GDF9: variants seen among roughly 807,000 people sequenced by gnomAD.
GDF9 encodes growth differentiation factor 9, also known as growth/differentiation factor 9.
GDF9 carries 30 observed loss-of-function variants against 33.8 expected under a neutral mutation model. The observed-to-expected ratio is 0.89, with a 90% CI of 0.66 to 1.20. The LOEUF is 1.20. Among genes scored for constraint, GDF9 ranks in the 50% most tolerant of loss-of-function variants. The pLI, the probability that GDF9 is intolerant of heterozygous loss-of-function variation, is 0.00. For missense variants in GDF9, 556 were observed against 543.7 expected (o/e 1.02, Z -0.22); for synonymous variants, 205 against 200.7 (o/e 1.02, Z -0.18).
In GDF9 at chr5:132,861,253, G is replaced by A. The variant is rs564694374; in HGVS notation, c.*336C>T. The A allele has an allele frequency of 3.6e-6, 1 of 275,674 alleles. No homozygotes were observed. The highest frequency in any genetic ancestry group is 9.4e-5 in the East Asian group (1 of 10,590). 17.1% of individuals were successfully genotyped at this position (275,674 alleles called of 1,614,324 possible). ...CTGAATTGCCTATTTATAGCTGCAA[G>A]TCCATCCAGGATTGATGCTAATTAA... On this transcript the variant is annotated 3_prime_UTR_variant, in exon 2 of 2. Transcript: ENST00000687138.
At position 132,864,377 on chromosome 5, in the gene GDF9, T is replaced by C. The variant is rs777568639; in HGVS notation, c.157A>G (p.Ile53Val). The part of the protein sequence containing the change: ...GAMPWSLLQH[I>V]DERDRAGLLP... ...AGGCCAGCTCTGTCTCTCTCATCTA[T>C]ATGCTGCAGCAAGGACCAAGGCATA... Residue 53 changes from isoleucine (I) to valine (V), a missense_variant, in exon 1 of 2, where the codon ATA (isoleucine) becomes GTA (valine). Transcript: ENST00000687138. The C allele has an allele frequency of 4.3e-6, 7 of 1,613,996 alleles. No individual in the cohort carries two copies. Among genetic ancestry groups the C allele is most frequent in the South Asian group, 2.2e-5 (2 of 91,084 alleles).
Position 132,861,313 on chromosome 5 carries a change from A to G in GDF9, c.*276T>C. 1 of 408,642 alleles carries G rather than the reference A, an allele frequency of 2.4e-6. No homozygotes were observed. The highest frequency in any genetic ancestry group is 4.5e-6 in the Non-Finnish European group (1 of 224,064). The allele number at this position is 408,642 out of a possible 1,614,324, so 25.3% of individuals were successfully genotyped here. A position where few individuals can be genotyped will look rare whatever the true frequency, so the allele number is the denominator to read the frequency against. ...CCTATCAAGAATAAGACTCCTATGA[A>G]AAGAAAAAAAATCACTCAAGGAAAA... On this transcript the variant is annotated 3_prime_UTR_variant, in exon 2 of 2. Transcript: ENST00000687138.
Position 132,864,443 on chromosome 5 carries a change from C to G in GDF9, c.91G>C (p.Glu31Gln), listed in dbSNP as rs1416359171. The change falls in exon 1 of 2, where the codon GAA (glutamate) becomes CAA (glutamine). Residue 31 changes from glutamate (E) to glutamine (Q), a missense_variant. Glu to Gln is a conservative substitution (Grantham distance 29). Coordinates refer to ENST00000687138, the MANE Select transcript of GDF9 (RefSeq NM_005260.7). ...TCAGCACTAGCAGCAATCTGAGCTT[C>G]TCCCCCAGAAGCCTGAGAACCAAGG... is the stretch of plus-strand genomic sequence containing the variant. ...ISLGSQASGG[E>Q]AQIAASAELE... 1 of 1,613,840 alleles carries G rather than the reference C, an allele frequency of 6.2e-7. No homozygotes were observed. Among genetic ancestry groups the G allele is most frequent in the Admixed American group, 1.7e-5 (1 of 60,012 alleles).
At position 132,861,929 on chromosome 5, in the gene GDF9, T is replaced by A. The variant is rs182590484; in HGVS notation, c.1025A>T (p.Tyr342Phe). The change falls in exon 2 of 2, where the codon TAC becomes TTC. Residue 342 changes from tyrosine to phenylalanine, a missense_variant. Tyr to Phe is a conservative substitution (Grantham distance 22). Coordinates refer to ENST00000687138, the MANE Select transcript of GDF9 (RefSeq NM_005260.7). Reference protein sequence around the residue: ...LGPASFNLSEYFRQFLLPQNE... With the variant: ...LGPASFNLSEFFRQFLLPQNE... ...TTGGGGAAGAAGAAATTGTCTGAAG[T>A]ATTCACTCAGATTGAAGGAAGCTGG... 3.7e-6 allele frequency: 6 copies of A among 1,613,774 alleles called. No individual in the cohort carries two copies. The East Asian group carries it at 1.3e-4, about 36-fold the overall frequency.
chr5:132,862,531 T>G lies in GDF9; in HGVS notation c.423A>C (p.Leu141=). The G allele has an allele frequency of 6.2e-7, 1 of 1,608,850 alleles. No individual in the cohort carries two copies. Among genetic ancestry groups the G allele is most frequent in the South Asian group, 1.1e-5 (1 of 91,038 alleles). ...CGGTAGTAATGCGATCCAGGTTAAA[T>G]AGCAGTTCCACTGATGGAAGGATTC... ...VTGILPSVEL[L]FNLDRITTVE... The change falls in exon 2 of 2, where the codon CTA becomes CTC. Residue 141 remains leucine (L), a synonymous_variant. Coordinates refer to ENST00000687138, the MANE Select transcript of GDF9 (RefSeq NM_005260.7).
In GDF9 at chr5:132,865,895, A is replaced by C. The variant is rs1759572830; in HGVS notation, c.-1362T>G. On this transcript the variant is annotated 5_prime_UTR_variant, in exon 1 of 2. Transcript: ENST00000687138. Reference sequence around the variant, plus strand: ...CTTGCTTCTCACGTGGGGAGAAGAAAGAACTGGGGCATCGTGATTCCCCCC... The same window carrying C: ...CTTGCTTCTCACGTGGGGAGAAGAACGAACTGGGGCATCGTGATTCCCCCC... 2.0e-5 allele frequency among the ~76,000 whole-genome samples: 3 copies of C among 152,186 alleles called. No homozygotes were observed. The highest frequency in any genetic ancestry group is 1.3e-4 in the Admixed American group (2 of 15,288).
At position 132,862,286 on chromosome 5, in the gene GDF9, A is replaced by G; in HGVS notation, c.668T>C (p.Leu223Ser). Residue 223 changes from leucine to serine, a missense_variant, in exon 2 of 2, where the codon TTA (leucine) becomes TCA (serine). By Grantham distance (145) the Leu-to-Ser change is moderately radical (BLOSUM62 -2). Coordinates refer to ENST00000687138, the MANE Select transcript of GDF9 (RefSeq NM_005260.7). ...AATACTTCTCTTGTTGGAGGCCACT[A>G]AAGGTTGAAGGAGGCTGGTCACATC... The part of the protein sequence containing the change: ...QIDVTSLLQP[L>S]VASNKRSIHM... The G allele has an allele frequency of 1.2e-6, 2 of 1,614,082 alleles. No homozygotes were observed. Among genetic ancestry groups the G allele is most frequent in the Non-Finnish European group, 1.7e-6 (2 of 1,179,954 alleles).
At position 132,861,880 on chromosome 5, in the gene GDF9, A is replaced by T; in HGVS notation, c.1074T>A (p.Phe358Leu). Residue 358 changes from phenylalanine (F) to leucine (L), a missense_variant, in exon 2 of 2, where the codon TTT becomes TTA. Transcript: ENST00000687138. ...ACTTCAGCTGACTAAAGCTAAGTCT[A>T]AAGTCATGGAGCTCACACTCATTTT... The part of the protein sequence containing the change: ...LPQNECELHD[F>L]RLSFSQLKWD... The T allele has an allele frequency of 6.2e-7, 1 of 1,613,292 alleles. No homozygotes were observed. The highest frequency in any genetic ancestry group is 8.5e-7 in the Non-Finnish European group (1 of 1,179,174).
chr5:132,864,066 T>C (rs1051575813), intron 1 of GDF9, 71 bp downstream of exon 1: 4 of 1,483,342 alleles, frequency 2.7e-6, no homozygotes, highest in Non-Finnish European at 3.8e-6. Flanking sequence ...GCTCAGCTCC[T>C]TTCTGTAATT....
chr5:132,863,287 T>C (rs1759386830), intron 1 of GDF9, among the ~76,000 whole-genome samples: 2 of 152,220 alleles, frequency 1.3e-5, no homozygotes, highest in South Asian at 2.1e-4. Context: ...AGAAAGTCAA[T>C]TTAAAACAAT....
In GDF9 at chr5:132,865,832, T is replaced by G. The variant is rs775344101; in HGVS notation, c.-1299A>C. On this transcript the variant is annotated 5_prime_UTR_variant, in exon 1 of 2. Transcript: ENST00000687138. ...AACAGCATCGTCAAGCAGAATGCAC[T>G]TCAGGGAAAACATAATAAGGCCTCT... Among the ~76,000 whole-genome samples, 1 of 152,082 alleles carries G rather than the reference T, an allele frequency of 6.6e-6. No individual in the cohort carries two copies. The highest frequency in any genetic ancestry group is 1.5e-5 in the Non-Finnish European group (1 of 68,024).
rs1002188417 is a variant in GDF9 at position 132,861,753 on chromosome 5, T to C, written c.1201A>G (p.Met401Val). ...TTCTCATAGATGATGTTCTGTACCA[T>C]GGTGTGAACTGGAGAGCCATACCGA... ...GHRYGSPVHT[M>V]VQNIIYEKLD... The change falls in exon 2 of 2, where the codon ATG becomes GTG. Residue 401 changes from methionine to valine, a missense_variant. By Grantham distance (21) the Met-to-Val change is conservative. Transcript: ENST00000687138. 6 of 1,611,468 alleles carry C rather than the reference T, an allele frequency of 3.7e-6. No homozygotes were observed. Among genetic ancestry groups the C allele is most frequent in the South Asian group, 1.1e-5 (1 of 91,036 alleles).
At position 132,862,223 on chromosome 5, in the gene GDF9, A is replaced by C; in HGVS notation, c.731T>G (p.Leu244Arg). 1 of 1,613,976 alleles carries C rather than the reference A, an allele frequency of 6.2e-7. No individual in the cohort carries two copies. Among genetic ancestry groups the C allele is most frequent in the Non-Finnish European group, 8.5e-7 (1 of 1,179,788 alleles). ...SINFTCMKDQLEHPSAQNGLF... is the reference protein window; with the variant it reads ...SINFTCMKDQREHPSAQNGLF... ...ACCATTCTGTGCTGAAGGATGCTCC[A>C]GCTGGTCTTTCATGCAAGTAAAATT... Residue 244 changes from leucine (L) to arginine (R), a missense_variant, in exon 2 of 2, where the codon CTG (leucine) becomes CGG (arginine). Physicochemically the swap from Leu to Arg is moderately radical, Grantham distance 102 (BLOSUM62 -2). Coordinates refer to ENST00000687138, the MANE Select transcript of GDF9 (RefSeq NM_005260.7).
chr5:132,863,325 C>G (rs542865488), intron 1 of GDF9, among the ~76,000 whole-genome samples: 8 of 152,198 alleles, frequency 5.3e-5, no homozygotes, highest in African/African-American at 1.9e-4. Context: ...ATTTAGAACA[C>G]TTGAGATTAA....
Position 132,865,686 on chromosome 5 carries a change from GTAAGTAGTGT to G in GDF9, c.-1163_-1154del. 6.6e-6 allele frequency: 1 copy of G among 152,272 alleles called. No homozygotes were observed. The highest frequency in any genetic ancestry group is 2.1e-4 in the South Asian group (1 of 4,822). 9.4% of individuals were successfully genotyped at this position (152,272 alleles called of 1,614,324 possible). ...ACTGCCTGCCGAGCCTCCGTGGTCCGTAAGTAGTGTTATAAAACACAGCCAACTGTTGAAT... is the reference window on the plus strand; with the variant it reads ...ACTGCCTGCCGAGCCTCCGTGGTCCGTATAAAACACAGCCAACTGTTGAAT... On this transcript the variant is annotated 5_prime_UTR_variant, in exon 1 of 2. The change abolishes the stop of an existing upstream ORF in the 5' untranslated region. Coordinates refer to ENST00000687138, the MANE Select transcript of GDF9 (RefSeq NM_005260.7).
Position 132,862,573 on chromosome 5 carries a change from T to C in GDF9, c.398-17A>G. 1 of 1,594,558 alleles carries C rather than the reference T, an allele frequency of 6.3e-7. No individual in the cohort carries two copies. Among genetic ancestry groups the C allele is most frequent in the Non-Finnish European group, 8.5e-7 (1 of 1,173,192 alleles). ...GAAGGATTCCTAAGAAGAAAAAAAA[T>C]CTACCAGTAGTGCTTGAAAATCAGT... is the stretch of plus-strand genomic sequence containing the variant. On this transcript the variant is annotated splice_polypyrimidine_tract_variant and intron_variant, in intron 1 of 1. Transcript: ENST00000687138.
chr5:132,864,528 T>A lies in GDF9; in HGVS notation c.6A>T (p.Ala2=). 6.2e-7 allele frequency: 1 copy of A among 1,606,264 alleles called. No homozygotes were observed. M[A]RPNKFLLWFC... is the part of the protein sequence containing the mutation. ...ACCAAAGGAGGAATTTGTTGGGACG[T>A]GCCATGGCTTGGGAGAACTAGTGAG... The change falls in exon 1 of 2, where the codon GCA becomes GCT. Residue 2 remains alanine, a synonymous_variant. Coordinates refer to ENST00000687138, the MANE Select transcript of GDF9 (RefSeq NM_005260.7).
At position 132,861,787 on chromosome 5, in the gene GDF9, T is replaced by A. The variant is rs778049390; in HGVS notation, c.1167A>T (p.Ala389=). ...PRYCKGDCPR[A]VGHRYGSPVH... Reference sequence around the variant, plus strand: ...CTGGAGAGCCATACCGATGTCCAACTGCCCTTGGACAGTCCCCTTTACAGT... The same window carrying A: ...CTGGAGAGCCATACCGATGTCCAACAGCCCTTGGACAGTCCCCTTTACAGT... Residue 389 remains alanine, a synonymous_variant, in exon 2 of 2, where the codon GCA becomes GCT. Coordinates refer to ENST00000687138, the MANE Select transcript of GDF9 (RefSeq NM_005260.7). The A allele has an allele frequency of 2.5e-6, 4 of 1,608,930 alleles. No homozygotes were observed. In the South Asian group the frequency reaches 4.4e-5, roughly 18 times the overall value.
At chr5:132,863,396 C>G in intron 1 of GDF9, among the ~76,000 whole-genome samples, 1 of 151,760 alleles carries the variant, frequency 6.6e-6, no homozygotes, top group East Asian at 1.9e-4. Context: ...ATACAACTGC[C>G]CTGTTGGGTT....
Sources: allele counts gnomAD v4.1 joint callset (sites outside exome capture counted in the v4.1 genomes callset), GRCh38; gene constraint gnomAD v4.1.1; transcripts MANE v1.5; gene names NCBI Gene and HGNC (gene_info 2026-07-23, HGNC 2026-07-21).